The following NTNG1 variants were observed in gnomAD, a reference collection of about 807,000 sequenced individuals.
NTNG1 encodes netrin G1.
A neutral mutation model predicts 54.0 loss-of-function variants in NTNG1; 16 were observed. The ratio of observed to expected loss-of-function variants is 0.30; its 90% CI spans 0.20 to 0.45. The LOEUF (loss-of-function observed/expected upper bound fraction) is 0.45, where lower values mean the gene tolerates loss of function less well. Among genes scored for constraint, NTNG1 ranks in the 20% least tolerant of loss-of-function variants. NTNG1 has a pLI of 1.00. For synonymous variants in NTNG1, 255 were observed against 263.1 expected (o/e 0.97, Z 0.30); for missense variants, 530 against 678.7 (o/e 0.78, Z 2.43).
intron 2 of NTNG1, among the ~76,000 whole-genome samples, chr1:107,284,389 G>T (rs1665062753): frequency 6.6e-6 from 1 of 152,046 alleles, no homozygotes; most frequent in Non-Finnish European, 1.5e-5. Flanking sequence ...TTACCTAAAA[G>T]TATTGATTGG....
At chr1:107,415,020 T>C (rs903277115) in intron 5 of NTNG1, among the ~76,000 whole-genome samples, 2 of 152,158 alleles carry the variant, frequency 1.3e-5, no homozygotes, top group Admixed American at 6.6e-5. Flanking sequence ...AGATATTTTA[T>C]TTTTTAAAGG....
intron 2 of NTNG1, among the ~76,000 whole-genome samples, chr1:107,273,814 G>A (rs1426905450): frequency 6.6e-6 from 1 of 152,154 alleles, no homozygotes; most frequent in Non-Finnish European, 1.5e-5. Flanking sequence ...CCCTGAATAT[G>A]CATTAAATGA....
chr1:107,228,513 C>T (rs1660836379), intron 2 of NTNG1, among the ~76,000 whole-genome samples: 1 of 152,112 alleles, frequency 6.6e-6, no homozygotes, highest in African/African-American at 2.4e-5. Flanking sequence ...ATTCCAGAGT[C>T]TTGAAGTCAG....
intron 2 of NTNG1, among the ~76,000 whole-genome samples, chr1:107,318,360 T>C (rs1021397744): frequency 6.6e-6 from 1 of 152,092 alleles, no homozygotes; most frequent in Non-Finnish European, 1.5e-5. Context: ...CCTTATTTTA[T>C]TGAATAATGG....
At chr1:107,419,090 T>C (rs1010278985) in intron 5 of NTNG1, among the ~76,000 whole-genome samples, 2 of 152,044 alleles carry the variant, frequency 1.3e-5, no homozygotes, top group African/African-American at 4.8e-5. Flanking sequence ...TTTCGCTGAC[T>C]ATTGCTCCAT....
intron 2 of NTNG1, among the ~76,000 whole-genome samples, chr1:107,311,601 G>A (rs1265809461): frequency 1.3e-5 from 2 of 151,994 alleles, no homozygotes; most frequent in African/African-American, 4.8e-5. Flanking sequence ...CTTTAAGCTT[G>A]ATTATGTCAA....
chr1:107,261,601 T>A (rs1663332549), intron 2 of NTNG1, among the ~76,000 whole-genome samples: 1 of 152,194 alleles, frequency 6.6e-6, no homozygotes, highest in Admixed American at 6.5e-5. Flanking sequence ...CCCAGCACTT[T>A]GGGAGGCCGA....
At position 107,480,721 on chromosome 1, in the gene NTNG1, C is replaced by T; in HGVS notation, c.1501C>T (p.Arg501Trp). 3.1e-6 allele frequency: 5 copies of T among 1,610,832 alleles called. No homozygotes were observed. The highest frequency in any genetic ancestry group is 1.1e-5 in the South Asian group (1 of 90,780). ...AYTGILCEKL[R>W]CEEAGSCGSD... ...CACGGGCATCCTCTGCGAGAAGCTG[C>T]GGTGCGAGGAGGCTGGCAGCTGCGG... Residue 501 changes from arginine (R) to tryptophan (W), a missense_variant, in exon 8 of 8, where the codon CGG becomes TGG. Coordinates refer to ENST00000370068, the MANE Select transcript of NTNG1 (RefSeq NM_001113226.3).
At chr1:107,436,411 C>G (rs920127755) in intron 6 of NTNG1, among the ~76,000 whole-genome samples, 3 of 152,196 alleles carry the variant, frequency 2.0e-5, no homozygotes, top group African/African-American at 7.2e-5. Context: ...CCATTACGAT[C>G]TGTTACCAGT....
intron 6 of NTNG1, among the ~76,000 whole-genome samples, chr1:107,434,096 A>G (rs1675449856): frequency 6.6e-6 from 1 of 152,180 alleles, no homozygotes; most frequent in Admixed American, 6.5e-5. Context: ...AACTTCATCT[A>G]AGTCTCATCT....
At chr1:107,395,917 G>A (rs570833927) in intron 4 of NTNG1, among the ~76,000 whole-genome samples, 2 of 152,152 alleles carry the variant, frequency 1.3e-5, no homozygotes, top group South Asian at 4.1e-4. Flanking sequence ...GGCCTGTGGG[G>A]ACCACATTAA....
At chr1:107,307,847 G>A (rs1570640754) in intron 2 of NTNG1, among the ~76,000 whole-genome samples, 1 of 152,162 alleles carries the variant, frequency 6.6e-6, no homozygotes, top group South Asian at 2.1e-4. Flanking sequence ...CTTGGCATTT[G>A]TCCTTGGCCT....
intron 2 of NTNG1, among the ~76,000 whole-genome samples, chr1:107,226,454 T>C (rs1018948661): frequency 6.6e-6 from 1 of 152,184 alleles, no homozygotes; most frequent in Non-Finnish European, 1.5e-5. Context: ...ACAATAGTTT[T>C]ATTAGGAATA....
chr1:107,388,508 T>C (rs935544856), intron 3 of NTNG1, among the ~76,000 whole-genome samples: 15 of 152,202 alleles, frequency 9.9e-5, no homozygotes, highest in African/African-American at 3.4e-4. Context: ...TGCATGATCA[T>C]CTGTAATCAT....
intron 7 of NTNG1, among the ~76,000 whole-genome samples, chr1:107,456,591 T>C (rs954027493): frequency 6.6e-6 from 1 of 152,178 alleles, no homozygotes; most frequent in African/African-American, 2.4e-5. Context: ...CCTAGCTGGA[T>C]TTTAGAATAG....
chr1:107,150,194 T>TCAAA (rs1315294160), intron 2 of NTNG1, among the ~76,000 whole-genome samples: 1 of 152,080 alleles, frequency 6.6e-6, no homozygotes. Flanking sequence ...ACTAAATATT[T>TCAAA]CAAAGAGAGG....
chr1:107,443,582 G>A (rs949996082), intron 7 of NTNG1, among the ~76,000 whole-genome samples: 11 of 151,942 alleles, frequency 7.2e-5, no homozygotes, highest in South Asian at 2.1e-4. Flanking sequence ...CCTATTTGTC[G>A]TGTTACATTA....
chr1:107,149,379 A>G (rs1338814661), intron 2 of NTNG1, among the ~76,000 whole-genome samples: 2 of 152,088 alleles, frequency 1.3e-5, no homozygotes, highest in Non-Finnish European at 2.9e-5. Flanking sequence ...GAGAGGAACT[A>G]AAGCCTTGTG....
chr1:107,419,478 A>G (rs1336490183), intron 5 of NTNG1, among the ~76,000 whole-genome samples: 1 of 152,038 alleles, frequency 6.6e-6, no homozygotes, highest in Non-Finnish European at 1.5e-5. Context: ...AAGAAAGAGA[A>G]CTTTTAAAGG....
Sources: gnomAD v4.1 joint callset for allele counts (sites outside exome capture counted in the v4.1 genomes callset) on GRCh38, gnomAD v4.1.1 for gene constraint, MANE v1.5 for transcripts, NCBI Gene and HGNC (gene_info 2026-07-23, HGNC 2026-07-21) for gene names.